SNX29: variants seen among roughly 807,000 people sequenced by gnomAD.
SNX29 encodes sorting nexin-29.
In SNX29, 78 loss-of-function variants were observed where a neutral mutation model predicts 102.1. The observed-to-expected ratio is 0.76, with a 90% CI of 0.64 to 0.92. The LOEUF (loss-of-function observed/expected upper bound fraction) is 0.92, where lower values mean the gene tolerates loss of function less well. SNX29 is among the 40% of genes least tolerant of loss of function. The pLI is 0.00. For missense variants in SNX29, 1,280 were observed against 1,061.7 expected, an observed-to-expected ratio of 1.21 and a Z score of -2.86; for synonymous variants, 580 against 414.5, an observed-to-expected ratio of 1.40 and a Z score of -4.85.
At chr16:12,391,003 T>G (rs995517875) in intron 16 of SNX29, among the ~76,000 whole-genome samples, 3 of 152,118 alleles carry the variant, frequency 2.0e-5, no homozygotes, top group Admixed American at 6.5e-5. Flanking sequence ...TGGGGTGCAG[T>G]GGCGCAATCA....
chr16:12,309,445 C>G (rs1445280155), intron 15 of SNX29, among the ~76,000 whole-genome samples: 1 of 152,158 alleles, frequency 6.6e-6, no homozygotes, highest in Non-Finnish European at 1.5e-5. Context: ...TAACCTGTCC[C>G]CTCCCATCTG....
chr16:12,541,736 C>A (rs191828632), intron 20 of SNX29, among the ~76,000 whole-genome samples: 3 of 152,166 alleles, frequency 2.0e-5, no homozygotes, highest in African/African-American at 4.8e-5. Flanking sequence ...CTGTCTTTTC[C>A]GTACTGTGCC....
chr16:12,455,800 G>T (rs1310682528), intron 18 of SNX29, among the ~76,000 whole-genome samples: 3 of 151,504 alleles, frequency 2.0e-5, no homozygotes, highest in Admixed American at 2.0e-4. Context: ...ATGAGATGTA[G>T]GTGGCCCGGT....
chr16:12,051,510 C>T (rs541156578), intron 7 of SNX29, among the ~76,000 whole-genome samples: 1 of 152,258 alleles, frequency 6.6e-6, no homozygotes, highest in East Asian at 1.9e-4. Context: ...TTCTCCTGGT[C>T]TCATCTACCA....
intron 20 of SNX29, among the ~76,000 whole-genome samples, chr16:12,550,251 T>C (rs1307615057): frequency 6.6e-6 from 1 of 152,004 alleles, no homozygotes; most frequent in African/African-American, 2.4e-5. Context: ...AAATAGCAAA[T>C]ATGGGCCAGA....
At chr16:12,220,607 T>G (rs1263198666) in intron 14 of SNX29, among the ~76,000 whole-genome samples, 1 of 152,222 alleles carries the variant, frequency 6.6e-6, no homozygotes, top group African/African-American at 2.4e-5. Flanking sequence ...TTGCGTTGTT[T>G]CTGTGCACAT....
chr16:12,232,869 A>G (rs1006746497), intron 14 of SNX29, among the ~76,000 whole-genome samples: 2 of 152,222 alleles, frequency 1.3e-5, no homozygotes, highest in African/African-American at 2.4e-5. Context: ...ATCAGCCTCA[A>G]TGCTGAGTTC....
intron 19 of SNX29, among the ~76,000 whole-genome samples, chr16:12,489,230 C>CA (rs962085371): frequency 6.6e-5 from 10 of 151,166 alleles, no homozygotes; most frequent in African/African-American, 2.4e-4. Flanking sequence ...CAGAAAAACA[C>CA]AAAAAACAAA....
At chr16:12,540,372 G>T (rs1051651287) in intron 20 of SNX29, among the ~76,000 whole-genome samples, 1 of 152,128 alleles carries the variant, frequency 6.6e-6, no homozygotes, top group African/African-American at 2.4e-5. Context: ...ATTTCTTATT[G>T]TTGCCCTACC....
At chr16:12,538,115 C>G (rs912876836) in intron 20 of SNX29, among the ~76,000 whole-genome samples, 7 of 123,516 alleles carry the variant, frequency 5.7e-5, no homozygotes, top group South Asian at 3.4e-4. Flanking sequence ...TGCATTTCCC[C>G]TTGCATTTTT....
intron 18 of SNX29, among the ~76,000 whole-genome samples, chr16:12,461,188 T>G (rs989784666): frequency 9.9e-5 from 15 of 152,208 alleles, no homozygotes; most frequent in African/African-American, 3.6e-4. Context: ...TTAGTCTTAT[T>G]GTGTCCATAA....
At chr16:12,061,215 T>C (rs1247046206) in intron 8 of SNX29, among the ~76,000 whole-genome samples, 1 of 152,198 alleles carries the variant, frequency 6.6e-6, no homozygotes, top group African/African-American at 2.4e-5. Flanking sequence ...GATTATTTGG[T>C]TCATGTTCAT....
intron 1 of SNX29, among the ~76,000 whole-genome samples, chr16:11,998,160 A>T (rs1240899012): frequency 2.0e-5 from 3 of 152,218 alleles, no homozygotes; most frequent in Admixed American, 6.5e-5. Flanking sequence ...AGAGTTGCCC[A>T]AGACAGAAGC....
At chr16:12,022,914 T>G (rs977256214) in intron 3 of SNX29, among the ~76,000 whole-genome samples, 5 of 129,346 alleles carry the variant, frequency 3.9e-5, no homozygotes, top group African/African-American at 1.4e-4. Context: ...TTTTTTTTTT[T>G]GAGACCAAGT....
intron 18 of SNX29, among the ~76,000 whole-genome samples, chr16:12,439,696 A>T (rs1440072663): frequency 6.7e-6 from 1 of 148,208 alleles, no homozygotes. Flanking sequence ...GCTACAATTC[A>T]AGATGAGATT....
chr16:12,119,082 G>A (rs960655134), intron 11 of SNX29, among the ~76,000 whole-genome samples: 4 of 152,204 alleles, frequency 2.6e-5, no homozygotes, highest in South Asian at 2.1e-4. Flanking sequence ...TGTGTGGTAA[G>A]AACCTCAGTT....
At chr16:12,019,258 A>G (rs984065560) in intron 3 of SNX29, among the ~76,000 whole-genome samples, 2 of 152,128 alleles carry the variant, frequency 1.3e-5, no homozygotes, top group African/African-American at 4.8e-5. Context: ...CCCAGGCTGG[A>G]GTGCAGTGGC....
At chr16:12,466,935 C>T (rs974572519) in intron 18 of SNX29, among the ~76,000 whole-genome samples, 1 of 152,210 alleles carries the variant, frequency 6.6e-6, no homozygotes, top group African/African-American at 2.4e-5. Flanking sequence ...CATATCTACT[C>T]ATAGACTTTG....
intron 13 of SNX29, among the ~76,000 whole-genome samples, chr16:12,134,467 T>C (rs1484216994): frequency 6.6e-6 from 1 of 152,170 alleles, no homozygotes; most frequent in African/African-American, 2.4e-5. Context: ...ACTTGCAAGC[T>C]TCATCCTGTG....
Sources: gnomAD v4.1 joint callset for allele counts (sites outside exome capture counted in the v4.1 genomes callset) on GRCh38, gnomAD v4.1.1 for gene constraint, MANE v1.5 for transcripts, NCBI Gene and HGNC (gene_info 2026-07-23, HGNC 2026-07-21) for gene names.